SEMA3G: variants seen among roughly 807,000 people sequenced by gnomAD.
SEMA3G encodes semaphorin 3G.
Under a neutral mutation model 86.2 loss-of-function variants are expected in SEMA3G, and 70 were observed. That is an observed-to-expected ratio of 0.81 (90% CI 0.67 to 0.99). SEMA3G has a LOEUF of 0.99. Among genes scored for constraint, SEMA3G ranks in the 50% least tolerant of loss-of-function variants. The pLI, the probability that SEMA3G is intolerant of heterozygous loss-of-function variation, is 0.00. For synonymous variants in SEMA3G, 416 were observed against 441.4 expected, an observed-to-expected ratio of 0.94 and a Z score of 0.72; for missense variants, 1,002 against 1,072.4, an observed-to-expected ratio of 0.93 and a Z score of 0.92.
chr3:52,438,509 T>C (rs1706089768), intron 13 of SEMA3G: 11 of 985,450 alleles, frequency 1.1e-5, no homozygotes, highest in Non-Finnish European at 1.3e-5. Flanking sequence ...GTCCCTGACC[T>C]TAGAGGTGCA....
intron 5 of SEMA3G, 48 bp from the exon 6 acceptor site, chr3:52,441,738 A>G: frequency 6.3e-7 from 1 of 1,592,616 alleles, no homozygotes; most frequent in Non-Finnish European, 8.6e-7. Flanking sequence ...GCCCAGGCCC[A>G]GCAGCCGGGT....
intron 7 of SEMA3G, 41 bp downstream of exon 7, chr3:52,441,223 T>C (rs1436985152): frequency 6.3e-7 from 1 of 1,599,474 alleles, no homozygotes. Flanking sequence ...TGGGAGGGTG[T>C]AGCAGGGACT....
At chr3:52,436,280 A>G (rs1475530886) in intron 15 of SEMA3G, among the ~76,000 whole-genome samples, 1 of 152,166 alleles carries the variant, frequency 6.6e-6, no homozygotes, top group East Asian at 1.9e-4. Context: ...ACCTTCCCAT[A>G]GCCCAGGAAG....
chr3:52,440,730 G>T, intron 9 of SEMA3G, 24 bp downstream of exon 9: 1 of 1,603,010 alleles, frequency 6.2e-7, no homozygotes, highest in Non-Finnish European at 8.5e-7. Context: ...CCCATCGCAA[G>T]GCCGGGGTGC....
chr3:52,440,774 G>A lies in SEMA3G; in HGVS notation c.978C>T (p.Tyr326=), dbSNP rs149815125. 22 of 1,612,970 alleles carry A rather than the reference G, an allele frequency of 1.4e-5. No individual in the cohort carries two copies. The highest frequency in any genetic ancestry group is 1.6e-4 in the Middle Eastern group (1 of 6,084). The change falls in exon 9 of 16, where the codon TAC becomes TAT. Residue 326 remains tyrosine (Y), a synonymous_variant. Transcript: ENST00000231721. ...WPKAGKSLEV[Y]ALFSTVSAVF... ...CCCACCTGACGGTGCTGAACAGCGCGTACACCTCGAGGCTCTTCCCGGCCT... is the reference window on the plus strand; with the variant it reads ...CCCACCTGACGGTGCTGAACAGCGCATACACCTCGAGGCTCTTCCCGGCCT...
Position 52,440,426 on chromosome 3 carries a change from T to G in SEMA3G, c.1094A>C (p.His365Pro), listed in dbSNP as rs1447625425. ...CTTGCCCCCATAGGGCCCCCACTGG[T>G]GCTGAGGCCCATCTCGGTGGGCAAA... ...GPFAHRDGPQ[H>P]QWGPYGGKVP... Residue 365 changes from histidine to proline, a missense_variant, in exon 10 of 16, where the codon CAC (histidine) becomes CCC (proline). Physicochemically the swap from His to Pro is moderately conservative, Grantham distance 77. Coordinates refer to ENST00000231721, the MANE Select transcript of SEMA3G (RefSeq NM_020163.3). 6.2e-7 allele frequency: 1 copy of G among 1,610,842 alleles called. No homozygotes were observed.
chr3:52,437,882 C>CTG, intron 14 of SEMA3G, 89 bp downstream of exon 14: 1 of 1,269,386 alleles, frequency 7.9e-7, no homozygotes, highest in Non-Finnish European at 1.1e-6. Flanking sequence ...ATGACAAGAC[C>CTG]AATCTGAGAA....
At position 52,441,368 on chromosome 3, in the gene SEMA3G, C is replaced by G. The variant is rs774997552; in HGVS notation, c.709G>C (p.Asp237His). 3.1e-6 allele frequency: 5 copies of G among 1,613,786 alleles called. No homozygotes were observed. The highest frequency in any genetic ancestry group is 1.7e-5 in the Admixed American group (1 of 59,998). Residue 237 changes from aspartate to histidine, a missense_variant, in exon 7 of 16, where the codon GAC becomes CAC. Physicochemically the swap from Asp to His is moderately conservative, Grantham distance 81. Coordinates refer to ENST00000231721, the MANE Select transcript of SEMA3G (RefSeq NM_020163.3). ...AAGTACACCTTGTCATTGTCCTGGT[C>G]AGAGTTCTCAGGGATCCGGGCGGCC... ...VMAARIPENS[D>H]QDNDKVYFFF...
Position 52,442,912 on chromosome 3 carries a change from G to A in SEMA3G, c.116-5C>T, listed in dbSNP as rs1706187612. ...AGCGGTTGGCAGACAGGAGGTCTAGGAGGATGTATGGGGAGGCAGATCAGG... is the reference window on the plus strand; with the variant it reads ...AGCGGTTGGCAGACAGGAGGTCTAGAAGGATGTATGGGGAGGCAGATCAGG... On this transcript the variant is annotated splice_region_variant and splice_polypyrimidine_tract_variant and intron_variant, in intron 1 of 15. Transcript: ENST00000231721. This position sits in a 1 kb window ranked among gnomAD's most constrained non-coding sequence, Gnocchi z 6.1. 2 of 1,584,738 alleles carry A rather than the reference G, an allele frequency of 1.3e-6. No homozygotes were observed. Among genetic ancestry groups the A allele is most frequent in the Non-Finnish European group, 8.6e-7 (1 of 1,165,418 alleles).
intron 6 of SEMA3G, 25 bp downstream of exon 6, chr3:52,441,549 T>C (rs760565233): frequency 6.2e-7 from 1 of 1,604,016 alleles, no homozygotes; most frequent in Non-Finnish European, 8.5e-7. Flanking sequence ...TCTTCACCCC[T>C]GCCAGTTCCA....
At position 52,441,179 on chromosome 3, in the gene SEMA3G, G is replaced by A. The variant is rs1706146612; in HGVS notation, c.813+85C>T. On this transcript the variant is annotated intron_variant, in intron 7 of 15. Transcript: ENST00000231721. ...GCATCCTTGCCTCAGTTTCCCTACT[G>A]CTGGCCAGGGGTGGGGGGAGAAAGG... The A allele has an allele frequency of 2.6e-6, 4 of 1,542,398 alleles. 1 individual carries two copies. The South Asian group carries it at 3.7e-5, about 14-fold the overall frequency.
intron 12 of SEMA3G, among the ~76,000 whole-genome samples, chr3:52,439,413 C>A (rs1157489438): frequency 1.3e-5 from 2 of 152,164 alleles, no homozygotes; most frequent in African/African-American, 2.4e-5. Flanking sequence ...CCTTGACCAT[C>A]CCTCCCAGCA....
rs56380397 is a variant in SEMA3G at position 52,441,870 on chromosome 3, G to A, written c.499C>T (p.Arg167Trp). The A allele has an allele frequency of 1.3e-3, 2,147 of 1,590,622 alleles. 2 individuals carry two copies. Among genetic ancestry groups the A allele is most frequent in the Non-Finnish European group, 1.7e-3 (1,984 of 1,168,292 alleles). The change falls in exon 5 of 16, where the codon CGG becomes TGG. Residue 167 changes from arginine to tryptophan, a missense_variant. Physicochemically the swap from Arg to Trp is moderately radical, Grantham distance 101. Coordinates refer to ENST00000231721, the MANE Select transcript of SEMA3G (RefSeq NM_020163.3). ...HLEPGSVESG[R>W]GRCPHEPSRP... ...CTGGGCTCGTGAGGGCACCGCCCCC[G>A]GCCACTTTCCACACTGCCAGGCTCC...
At chr3:52,440,193 C>T in intron 10 of SEMA3G, 95 bp from the exon 11 acceptor site, 5 of 1,241,072 alleles carry the variant, frequency 4.0e-6, no homozygotes, top group Non-Finnish European at 5.5e-6. Context: ...GGGGACCTCT[C>T]TCACTGCAGG....
At position 52,442,306 on chromosome 3, in the gene SEMA3G, T is replaced by C. The variant is rs1173269932; in HGVS notation, c.340-2A>G. 1 of 1,602,300 alleles carries C rather than the reference T, an allele frequency of 6.2e-7. No homozygotes were observed. The highest frequency in any genetic ancestry group is 8.5e-7 in the Non-Finnish European group (1 of 1,175,452). The stretch of plus-strand genomic sequence containing the variant: ...CCGCACGAAGTTGGCGCACTCTGTC[T>C]GCGGGGAGAAGGAGGGGGTGGTTGA... On this transcript the variant is annotated splice_acceptor_variant, in intron 3 of 15. Transcript: ENST00000231721. LOFTEE classifies it high-confidence loss of function. This position sits in a 1 kb window ranked among gnomAD's most constrained non-coding sequence, Gnocchi z 6.1.
At chr3:52,443,486 C>A (rs533296677) in intron 1 of SEMA3G, among the ~76,000 whole-genome samples, 2 of 152,152 alleles carry the variant, frequency 1.3e-5, no homozygotes, top group Admixed American at 1.3e-4. Context: ...GAGCGGGGAG[C>A]TGTCTGGGGA....
Position 52,444,930 on chromosome 3 carries a change from A to G in SEMA3G, c.98T>C (p.Leu33Pro). 2.3e-6 allele frequency: 3 copies of G among 1,304,214 alleles called. No homozygotes were observed. Among genetic ancestry groups the G allele is most frequent in the Non-Finnish European group, 2.0e-6 (2 of 1,021,314 alleles). 80.8% of individuals were successfully genotyped at this position (1,304,214 alleles called of 1,614,324 possible). The change falls in exon 1 of 16, where the codon CTG (leucine) becomes CCG (proline). Residue 33 changes from leucine to proline, a missense_variant. Leu to Pro is a moderately conservative substitution (Grantham distance 98, BLOSUM62 -3). Transcript: ENST00000231721. ...GPSPGPSVPR[L>P]RLSYRDLLSA... Reference sequence around the variant, plus strand: ...GCTGGTACCTCGGTAGGAGAGCCGCAGGCGGGGCACACTGGGGCCGGGGCT... The same window carrying G: ...GCTGGTACCTCGGTAGGAGAGCCGCGGGCGGGGCACACTGGGGCCGGGGCT...
chr3:52,433,344 TG>T lies in SEMA3G; in HGVS notation c.*2258del, dbSNP rs1705988683. 6.6e-6 allele frequency: 1 copy of T among 152,602 alleles called. No individual in the cohort carries two copies. Among genetic ancestry groups the T allele is most frequent in the Non-Finnish European group, 1.5e-5 (1 of 68,040 alleles). The allele number at this position is 152,602 out of a possible 1,614,324, so 9.5% of individuals were successfully genotyped here. A position where few individuals can be genotyped will look rare whatever the true frequency, so the allele number is the denominator to read the frequency against. On this transcript the variant is annotated 3_prime_UTR_variant, in exon 16 of 16. Coordinates refer to ENST00000231721, the MANE Select transcript of SEMA3G (RefSeq NM_020163.3). ...ACACAGTAATGATATAATTATGTGA[TG>T]CAAATATTAACTTCATCCCTTTCCT...
intron 15 of SEMA3G, among the ~76,000 whole-genome samples, chr3:52,437,012 G>A (rs1038987544): frequency 6.6e-6 from 1 of 152,210 alleles, no homozygotes; most frequent in African/African-American, 2.4e-5. Flanking sequence ...GGGAGGAGAG[G>A]CCCTGAGCAG....
Sources: allele counts gnomAD v4.1 joint callset (sites outside exome capture counted in the v4.1 genomes callset), GRCh38; gene constraint gnomAD v4.1.1; non-coding constraint Gnocchi (gnomAD v3.1); transcripts MANE v1.5; gene names NCBI Gene and HGNC (gene_info 2026-07-23, HGNC 2026-07-21).